Variants in SMG6 observed in about 807,000 individuals in gnomAD.
SMG6 encodes SMG6 nonsense mediated mRNA decay factor.
SMG6 carries 66 observed loss-of-function variants against 142.2 expected under a neutral mutation model. The ratio of observed to expected loss-of-function variants is 0.46; its 90% CI spans 0.38 to 0.57. The LOEUF (loss-of-function observed/expected upper bound fraction) is 0.57, where lower values mean the gene tolerates loss of function less well. Among genes scored for constraint, SMG6 ranks in the 20% least tolerant of loss-of-function variants. SMG6 has a pLI of 0.00. For synonymous variants in SMG6, 779 were observed against 702.4 expected, an observed-to-expected ratio of 1.11 and a Z score of -1.72; for missense variants, 1,793 against 1,832.0, an observed-to-expected ratio of 0.98 and a Z score of 0.39.
chr17:2,096,460 T>C (rs8071728), intron 13 of SMG6, among the ~76,000 whole-genome samples: 21,469 of 152,190 alleles, frequency 0.14, 3,728 homozygotes, highest in African/African-American at 0.41. Context: ...CCACCTGCCT[T>C]GGCCTCCCAA....
intron 12 of SMG6, among the ~76,000 whole-genome samples, chr17:2,179,963 G>C (rs1301026697): frequency 6.6e-6 from 1 of 152,176 alleles, no homozygotes; most frequent in Non-Finnish European, 1.5e-5. Context: ...TGTTCTCAAA[G>C]TCCCCTGACT....
At chr17:2,062,417 T>C (rs1438915064) in intron 18 of SMG6, 2 of 152,228 alleles carry the variant, frequency 1.3e-5, no homozygotes, top group African/African-American at 4.8e-5. Flanking sequence ...TACAGCATCA[T>C]GATCATATTA....
At chr17:2,278,708 T>C (rs770686450) in intron 8 of SMG6, among the ~76,000 whole-genome samples, 21 of 152,114 alleles carry the variant, frequency 1.4e-4, no homozygotes, top group Non-Finnish European at 2.4e-4. Flanking sequence ...GTGACAGACA[T>C]TCTAAATACC....
chr17:2,155,699 A>G lies in SMG6; in HGVS notation c.3357+16959T>C, dbSNP rs533493890. Among the ~76,000 whole-genome samples, 4 of 152,338 alleles carry G rather than the reference A, an allele frequency of 2.6e-5. No homozygotes were observed. The South Asian group carries it at 8.3e-4, about 32-fold the overall frequency. On this transcript the variant is annotated intron_variant, in intron 13 of 18. Coordinates refer to ENST00000263073, the MANE Select transcript of SMG6 (RefSeq NM_017575.5). Reference sequence around the variant, plus strand: ...CTTCTAGCACTTTTTGGGTGCTTCAAGAGAGGAAGGAAATGGTACAGAAAC... The same window carrying G: ...CTTCTAGCACTTTTTGGGTGCTTCAGGAGAGGAAGGAAATGGTACAGAAAC...
At chr17:2,074,448 C>G (rs1374690967) in intron 15 of SMG6, among the ~76,000 whole-genome samples, 1 of 152,154 alleles carries the variant, frequency 6.6e-6, no homozygotes, top group African/African-American at 2.4e-5. Context: ...CCCCTGGGAG[C>G]AGGAGGAGGA....
chr17:2,192,988 T>C (rs1280200901), intron 10 of SMG6, among the ~76,000 whole-genome samples: 1 of 152,218 alleles, frequency 6.6e-6, no homozygotes, highest in Non-Finnish European at 1.5e-5. Context: ...TCATGCACAA[T>C]GGCAAAACAG....
At chr17:2,292,773 G>T (rs2075066805) in intron 5 of SMG6, 98 bp downstream of exon 5, 6 of 1,368,302 alleles carry the variant, frequency 4.4e-6, no homozygotes, top group African/African-American at 1.4e-5. Context: ...GGGACCAATA[G>T]GGACACCTGT....
At chr17:2,091,818 C>G (rs1238203571) in intron 13 of SMG6, among the ~76,000 whole-genome samples, 2 of 149,576 alleles carry the variant, frequency 1.3e-5, no homozygotes, top group South Asian at 4.3e-4. Flanking sequence ...CTACAGGCAC[C>G]CGCCACCACG....
At chr17:2,283,788 G>T in intron 6 of SMG6, 53 bp from the exon 7 acceptor site, 3 of 1,396,636 alleles carry the variant, frequency 2.1e-6, no homozygotes, top group Non-Finnish European at 2.0e-6. Context: ...CCTAACTCCA[G>T]CAAGAGGCAG....
Position 2,299,267 on chromosome 17 carries a change from C to A in SMG6, c.1486G>T (p.Ala496Ser), listed in dbSNP as rs921246217. Reference sequence around the variant, plus strand: ...GAGTTTTGAAACTTATAGTAAGATGCCTGAGCCTGGCGTGAGTCACCCCAA... The same window carrying A: ...GAGTTTTGAAACTTATAGTAAGATGACTGAGCCTGGCGTGAGTCACCCCAA... ...TSWGDSRQAQ[A>S]SYYKFQNSDN... The change falls in exon 2 of 19, where the codon GCA (alanine) becomes TCA (serine). Residue 496 changes from alanine (A) to serine (S), a missense_variant. Coordinates refer to ENST00000263073, the MANE Select transcript of SMG6 (RefSeq NM_017575.5). The surrounding 1 kb of genome is among the most constrained non-coding windows in gnomAD (Gnocchi z 4.3). 1 of 1,614,010 alleles carries A rather than the reference C, an allele frequency of 6.2e-7. No individual in the cohort carries two copies. Among genetic ancestry groups the A allele is most frequent in the Non-Finnish European group, 8.5e-7 (1 of 1,179,996 alleles).
intron 10 of SMG6, among the ~76,000 whole-genome samples, chr17:2,208,445 A>G (rs76996343): frequency 0.01 from 1,552 of 152,322 alleles, 32 homozygotes; most frequent in African/African-American, 0.034. Context: ...CTGCCCCACT[A>G]GCCTAGAAAT....
chr17:2,156,577 C>T (rs1398673241), intron 13 of SMG6, among the ~76,000 whole-genome samples: 2 of 152,152 alleles, frequency 1.3e-5, no homozygotes, highest in South Asian at 4.1e-4. Flanking sequence ...CACCCAGGTG[C>T]ATCCCTTATG....
At position 2,120,909 on chromosome 17, in the gene SMG6, C is replaced by T. The variant is rs527772795; in HGVS notation, c.3358-35008G>A. 2.0e-5 allele frequency among the ~76,000 whole-genome samples: 3 copies of T among 152,038 alleles called. No homozygotes were observed. The East Asian group carries it at 5.8e-4, about 29-fold the overall frequency. On this transcript the variant is annotated intron_variant, in intron 13 of 18. Transcript: ENST00000263073. The stretch of plus-strand genomic sequence containing the variant: ...TGTAGGGCAGGGGTATCCTGGGCCA[C>T]GATGGAAGAAATGCCTTGGGCCACG...
At chr17:2,227,154 A>G (rs1283034954) in intron 10 of SMG6, among the ~76,000 whole-genome samples, 2 of 152,266 alleles carry the variant, frequency 1.3e-5, no homozygotes, top group Non-Finnish European at 2.9e-5. Flanking sequence ...ACCACCACAG[A>G]AAACAGTTTA....
chr17:2,186,651 A>C lies in SMG6; in HGVS notation c.3155+12T>G. ...AGCCAGTGGTGCTGAAGCAATGGGC[A>C]GGTCAACTCACTGCGAGGGCAGATC... On this transcript the variant is annotated intron_variant, in intron 12 of 18. Coordinates refer to ENST00000263073, the MANE Select transcript of SMG6 (RefSeq NM_017575.5). The C allele has an allele frequency of 6.2e-7, 1 of 1,613,974 alleles. No homozygotes were observed. The highest frequency in any genetic ancestry group is 1.3e-5 in the African/African-American group (1 of 75,080).
At chr17:2,266,069 C>G (rs1389013299) in intron 8 of SMG6, 2 of 985,236 alleles carry the variant, frequency 2.0e-6, no homozygotes, top group Admixed American at 6.2e-5. Flanking sequence ...GCCTTTCCCC[C>G]CTCTTCAGGA....
intron 18 of SMG6, 149 bp from the exon 19 acceptor site, chr17:2,061,771 C>T (rs771500549): frequency 8.1e-5 from 74 of 917,440 alleles, no homozygotes; most frequent in Non-Finnish European, 1.1e-4. Context: ...TCCGTCCGGG[C>T]TCTCAGCCCC....
chr17:2,085,324 C>T lies in SMG6; in HGVS notation c.3534+401G>A, dbSNP rs2068529786. Among the ~76,000 whole-genome samples, 1 of 152,100 alleles carries T rather than the reference C, an allele frequency of 6.6e-6. No individual in the cohort carries two copies. The highest frequency in any genetic ancestry group is 2.4e-5 in the African/African-American group (1 of 41,390). On this transcript the variant is annotated intron_variant, in intron 14 of 18. Transcript: ENST00000263073. This position sits in a 1 kb window ranked among gnomAD's most constrained non-coding sequence, Gnocchi z 4.1. ...GGAGGGGTGATTTTCCACACAGGGCCAGCAATGTCAGCTCTTCCTGTACGT... is the reference window on the plus strand; with the variant it reads ...GGAGGGGTGATTTTCCACACAGGGCTAGCAATGTCAGCTCTTCCTGTACGT...
intron 10 of SMG6, among the ~76,000 whole-genome samples, chr17:2,215,290 A>G (rs960902899): frequency 6.6e-6 from 1 of 152,182 alleles, no homozygotes; most frequent in African/African-American, 2.4e-5. Flanking sequence ...TTTAGTTTCT[A>G]CAATGCTGCA....
Sources: gnomAD v4.1 joint callset for allele counts (sites outside exome capture counted in the v4.1 genomes callset) on GRCh38, gnomAD v4.1.1 for gene constraint, Gnocchi (gnomAD v3.1) non-coding constraint, MANE v1.5 for transcripts, NCBI Gene and HGNC (gene_info 2026-07-23, HGNC 2026-07-21) for gene names.